LIG3: variants seen among roughly 807,000 people sequenced by gnomAD.
LIG3 encodes the protein DNA ligase 3.
A neutral mutation model predicts 110.9 loss-of-function variants in LIG3; 58 were observed. The observed-to-expected ratio is 0.52, with a 90% CI of 0.42 to 0.65. The LOEUF (loss-of-function observed/expected upper bound fraction) is 0.65. LIG3 is among the 30% of genes least tolerant of loss of function. LIG3 has a pLI of 0.00. For synonymous variants in LIG3, 422 were observed against 472.8 expected, an observed-to-expected ratio of 0.89 and a Z score of 1.39; for missense variants, 1,094 against 1,273.8, an observed-to-expected ratio of 0.86 and a Z score of 2.15.
downstream of LIG3, chr17:35,010,786 A>G (rs897373149): frequency 6.6e-6 from 1 of 151,560 alleles, no homozygotes; most frequent in East Asian, 1.9e-4. Context: ...CCTGCCCCCA[A>G]AAATCAGTGG....
chr17:34,985,105 C>T (rs1184531634), intron 2 of LIG3, among the ~76,000 whole-genome samples: 1 of 152,132 alleles, frequency 6.6e-6, no homozygotes, highest in Non-Finnish European at 1.5e-5. Flanking sequence ...TTTCAGCAGA[C>T]AGAGCTAGAA....
chr17:34,984,956 T>G (rs1344705069), intron 2 of LIG3, among the ~76,000 whole-genome samples: 6 of 152,082 alleles, frequency 3.9e-5, no homozygotes, highest in Non-Finnish European at 5.9e-5. Context: ...TTTTGTGTTT[T>G]TAGTAGAGAC....
At chr17:35,010,805 A>C (rs1005961470), downstream of LIG3, 3 of 152,152 alleles carry the variant, frequency 2.0e-5, no homozygotes, top group African/African-American at 7.2e-5. Flanking sequence ...GGGCTAGGAA[A>C]GGGAATGAAA....
intron 3 of LIG3, among the ~76,000 whole-genome samples, chr17:34,987,933 A>G (rs3135972): frequency 0.025 from 3,868 of 152,076 alleles, 163 homozygotes; most frequent in African/African-American, 0.086. Flanking sequence ...GGTGGCTCAC[A>G]CTTGTAATCC....
chr17:34,989,246 A>T (rs1597793018), intron 3 of LIG3, among the ~76,000 whole-genome samples: 1 of 152,216 alleles, frequency 6.6e-6, no homozygotes, highest in East Asian at 1.9e-4. Context: ...TAAGGAGGCC[A>T]TTGTTCCTTT....
intron 2 of LIG3, among the ~76,000 whole-genome samples, chr17:34,985,247 C>G (rs912898711): frequency 2.0e-5 from 3 of 152,158 alleles, no homozygotes; most frequent in Admixed American, 6.5e-5. Context: ...CCAGTTAGTC[C>G]TCTTTGACCT....
At chr17:34,994,980 G>C (rs1308273296) in intron 9 of LIG3, among the ~76,000 whole-genome samples, 5 of 152,076 alleles carry the variant, frequency 3.3e-5, no homozygotes, top group Admixed American at 3.3e-4. Flanking sequence ...TCTAATCAGG[G>C]GTGGCATTTG....
Position 34,983,275 on chromosome 17 carries a change from G to T in LIG3, c.270G>T (p.Glu90Asp). Reference sequence around the variant, plus strand: ...GCAGTGGCCCCTGTGAGATGGCTGAGCAACGGTTCTGTGTGGACTATGCCA... The same window carrying T: ...GCAGTGGCCCCTGTGAGATGGCTGATCAACGGTTCTGTGTGGACTATGCCA... ...GLCSGPCEMA[E>D]QRFCVDYAKR... is the part of the protein sequence containing the mutation. The change falls in exon 2 of 20, where the codon GAG becomes GAT. Residue 90 changes from glutamate to aspartate, a missense_variant. Coordinates refer to ENST00000378526, the MANE Select transcript of LIG3 (RefSeq NM_013975.4). 6.2e-7 allele frequency: 1 copy of T among 1,614,234 alleles called. No individual in the cohort carries two copies. Among genetic ancestry groups the T allele is most frequent in the Non-Finnish European group, 8.5e-7 (1 of 1,180,044 alleles).
At chr17:34,990,603 T>G (rs528105017) in intron 4 of LIG3, among the ~76,000 whole-genome samples, 25 of 151,904 alleles carry the variant, frequency 1.6e-4, no homozygotes, top group African/African-American at 4.3e-4. Context: ...TTATTTATTT[T>G]TGTGTGTGTG....
At position 35,006,631 on chromosome 17, in the gene LIG3, G is replaced by C. The variant is rs2090897133; in HGVS notation, c.*2125G>C. ...ATGACTTTAGAACCCTCAGTTGCAG[G>C]TGTGCATGTTCCAGCCAACACTCCA... On this transcript the variant is annotated 3_prime_UTR_variant, in exon 20 of 20. Coordinates refer to ENST00000378526, the MANE Select transcript of LIG3 (RefSeq NM_013975.4). 1 of 152,180 alleles carries C rather than the reference G, an allele frequency of 6.6e-6. No individual in the cohort carries two copies. The highest frequency in any genetic ancestry group is 1.5e-5 in the Non-Finnish European group (1 of 68,068). 9.4% of individuals were successfully genotyped at this position (152,180 alleles called of 1,614,324 possible).
rs564449686 is a variant in LIG3, at chr17:34,990,471, G to A, written c.890-492G>A. 7.3e-4 allele frequency among the ~76,000 whole-genome samples: 111 copies of A among 152,276 alleles called. 3 individuals are homozygous for A. The highest frequency in any genetic ancestry group is 7.2e-3 in the Admixed American group (110 of 15,288). Reference sequence around the variant, plus strand: ...ATTTTTGTATTTTTTGTAGAGACGGGGTTTTGCTGTTTTGCCCAGGTTGGT... The same window carrying A: ...ATTTTTGTATTTTTTGTAGAGACGGAGTTTTGCTGTTTTGCCCAGGTTGGT... On this transcript the variant is annotated intron_variant, in intron 4 of 19. Transcript: ENST00000378526.
At chr17:35,001,026 T>G (rs1179038668) in intron 16 of LIG3, among the ~76,000 whole-genome samples, 2 of 152,094 alleles carry the variant, frequency 1.3e-5, no homozygotes, top group Non-Finnish European at 1.5e-5. Context: ...TACCTCAGCC[T>G]TCTGAGTAGC....
At position 35,001,341 on chromosome 17, in the gene LIG3, C is replaced by G. The variant is rs1367985658; in HGVS notation, c.2416C>G (p.Arg806Gly). The stretch of plus-strand genomic sequence containing the variant: ...TGACGGGATCTCCATCCGATTCCCT[C>G]GCTGCACCCGAATCCGAGATGATAA... ...TADGISIRFP[R>G]CTRIRDDKDW... The change falls in exon 17 of 20, where the codon CGC (arginine) becomes GGC (glycine). Residue 806 changes from arginine (R) to glycine (G), a missense_variant. Coordinates refer to ENST00000378526, the MANE Select transcript of LIG3 (RefSeq NM_013975.4). 2 of 1,614,078 alleles carry G rather than the reference C, an allele frequency of 1.2e-6. No homozygotes were observed. The highest frequency in any genetic ancestry group is 1.7e-6 in the Non-Finnish European group (2 of 1,180,024).
chr17:34,987,387 A>G (rs1178823378), intron 3 of LIG3, among the ~76,000 whole-genome samples: 1 of 152,220 alleles, frequency 6.6e-6, no homozygotes, highest in Non-Finnish European at 1.5e-5. Context: ...GTTGACGTTC[A>G]GGGTTATCAT....
intron 1 of LIG3, among the ~76,000 whole-genome samples, chr17:34,981,894 T>A (rs1437438941): frequency 1.3e-5 from 2 of 152,222 alleles, no homozygotes. Context: ...TTCCTGTGAG[T>A]CTTGCTGCCC....
chr17:35,001,284 G>T lies in LIG3; in HGVS notation c.2359G>T (p.Ala787Ser). 6.2e-7 allele frequency: 1 copy of T among 1,614,114 alleles called. No individual in the cohort carries two copies. The highest frequency in any genetic ancestry group is 8.5e-7 in the Non-Finnish European group (1 of 1,179,980). ...AGCTGCCGTGTGGGAGATCACAGGGGCTGAATTCTCCAAATCGGAGGCTCA... is the reference window on the plus strand; with the variant it reads ...AGCTGCCGTGTGGGAGATCACAGGGTCTGAATTCTCCAAATCGGAGGCTCA... ...KKAAVWEITGAEFSKSEAHTA... is the reference protein window; with the variant it reads ...KKAAVWEITGSEFSKSEAHTA... Residue 787 changes from alanine to serine, a missense_variant, in exon 17 of 20, where the codon GCT (alanine) becomes TCT (serine). By Grantham distance (99) the Ala-to-Ser change is moderately conservative. Coordinates refer to ENST00000378526, the MANE Select transcript of LIG3 (RefSeq NM_013975.4).
intron 3 of LIG3, among the ~76,000 whole-genome samples, 177 bp from the exon 4 acceptor site, chr17:34,989,289 A>G (rs1475502931): frequency 1.3e-5 from 2 of 152,100 alleles, no homozygotes; most frequent in Non-Finnish European, 2.9e-5. Flanking sequence ...ATTTGGGAAA[A>G]TTACTTGGCC....
chr17:35,008,343 TGA>T lies in LIG3; in HGVS notation c.*3839_*3840del, dbSNP rs890618845. On this transcript the variant is annotated 3_prime_UTR_variant, in exon 20 of 20. Coordinates refer to ENST00000378526, the MANE Select transcript of LIG3 (RefSeq NM_013975.4). ...GCAAGTTAGTTAGTTACAACAACAC[TGA>T]GCATCTTGACCAAGGTCACTTGGCC... is the stretch of plus-strand genomic sequence containing the variant. 6.6e-6 allele frequency: 1 copy of T among 152,280 alleles called. No individual in the cohort carries two copies. Among genetic ancestry groups the T allele is most frequent in the Non-Finnish European group, 1.5e-5 (1 of 68,062 alleles). The allele number at this position is 152,280 out of a possible 1,614,324, so 9.4% of individuals were successfully genotyped here. A position where few individuals can be genotyped will look rare whatever the true frequency, so the allele number is the denominator to read the frequency against.
chr17:35,007,015 C>T lies in LIG3; in HGVS notation c.*2509C>T, dbSNP rs2090899843. The T allele has an allele frequency of 6.6e-6, 1 of 152,244 alleles. No homozygotes were observed. The highest frequency in any genetic ancestry group is 2.4e-5 in the African/African-American group (1 of 41,450). 9.4% of individuals were successfully genotyped at this position (152,244 alleles called of 1,614,324 possible). A position where few individuals can be genotyped will look rare whatever the true frequency, so the allele number is the denominator to read the frequency against. On this transcript the variant is annotated 3_prime_UTR_variant, in exon 20 of 20. Transcript: ENST00000378526. The stretch of plus-strand genomic sequence containing the variant: ...CTTTTTATTCCATCCTCTATGGAGA[C>T]AAAAAGCTGCTCCTCCTTTGAGTAC...
Sources: gnomAD v4.1 joint callset for allele counts (sites outside exome capture counted in the v4.1 genomes callset) on GRCh38, gnomAD v4.1.1 for gene constraint, MANE v1.5 for transcripts, NCBI Gene and HGNC (gene_info 2026-07-23, HGNC 2026-07-21) for gene names.